Variants in ATAT1 observed in about 807,000 individuals in gnomAD.
ATAT1 encodes alpha tubulin acetyltransferase 1.
ATAT1 carries 42 observed loss-of-function variants against 57.2 expected under a neutral mutation model. The ratio of observed to expected loss-of-function variants is 0.73; its 90% confidence interval spans 0.57 to 0.95. The LOEUF (loss-of-function observed/expected upper bound fraction) is 0.95, where lower values mean the gene tolerates loss of function less well. Among genes scored for constraint, ATAT1 ranks in the 40% least tolerant of loss-of-function variants. ATAT1 has a pLI of 0.00. For missense variants in ATAT1, 454 were observed against 523.7 expected (o/e 0.87, Z 1.30); for synonymous variants, 168 against 187.1 (o/e 0.90, Z 0.83).
intron 6 of ATAT1, among the ~76,000 whole-genome samples, chr6:30,638,873 T>C (rs1194883955): frequency 1.6e-4 from 24 of 152,228 alleles, no homozygotes; most frequent in Admixed American, 1.6e-3. Context: ...GAAAATATAA[T>C]GAAGTAACTC....
chr6:30,643,248 G>A (rs1293849369), intron 10 of ATAT1: 11 of 1,420,892 alleles, frequency 7.7e-6, no homozygotes, highest in African/African-American at 1.4e-5. Flanking sequence ...TGAGAGTTAT[G>A]TGGAATGGTA....
At chr6:30,629,824 G>A (rs545560098) in intron 6 of ATAT1, among the ~76,000 whole-genome samples, 8 of 152,258 alleles carry the variant, frequency 5.3e-5, no homozygotes, top group Non-Finnish European at 8.8e-5. Context: ...GATTACAGGC[G>A]TGAGCCACCG....
chr6:30,629,802 C>T (rs1177537165), intron 6 of ATAT1, among the ~76,000 whole-genome samples: 1 of 152,220 alleles, frequency 6.6e-6, no homozygotes, highest in Non-Finnish European at 1.5e-5. Context: ...CCTCGGCCTC[C>T]CAAAGTGCTG....
chr6:30,645,301 C>T lies in ATAT1; in HGVS notation c.933-594C>T, dbSNP rs562875836. Reference sequence around the variant, plus strand: ...CACAATCTCAGCTCACTGCAACCTCCGCCTCCTGGGTTCAAGCGATTCTCC... The same window carrying T: ...CACAATCTCAGCTCACTGCAACCTCTGCCTCCTGGGTTCAAGCGATTCTCC... On this transcript the variant is annotated intron_variant, in intron 10 of 12. Transcript: ENST00000330083. Among the ~76,000 whole-genome samples, 23 of 151,950 alleles carry T rather than the reference C, an allele frequency of 1.5e-4. No individual in the cohort carries two copies. In the East Asian group the frequency reaches 2.9e-3, roughly 19 times the overall value.
chr6:30,643,578 T>C, intron 10 of ATAT1: 1 of 1,550,228 alleles, frequency 6.5e-7, no homozygotes, highest in Non-Finnish European at 8.7e-7. Flanking sequence ...ACCCTCTCCC[T>C]GCCCTGGGAG....
intron 6 of ATAT1, among the ~76,000 whole-genome samples, chr6:30,634,363 G>A (rs1353393902): frequency 2.0e-5 from 3 of 151,764 alleles, no homozygotes; most frequent in Admixed American, 1.3e-4. Flanking sequence ...TGATTCTCCT[G>A]CCTCAGCCTC....
chr6:30,627,905 T>G lies in ATAT1; in HGVS notation c.279T>G (p.Phe93Leu). 3 of 1,613,036 alleles carry G rather than the reference T, an allele frequency of 1.9e-6. No individual in the cohort carries two copies. The highest frequency in any genetic ancestry group is 1.7e-6 in the Non-Finnish European group (2 of 1,180,002). The change falls in exon 4 of 13, where the codon TTT becomes TTG. Residue 93 changes from phenylalanine (F) to leucine (L), a missense_variant. Around this residue, in one of 3 missense-constraint regions of ATAT1, gnomAD observed 236 missense variants for 284.5 expected, o/e 0.83. Coordinates refer to ENST00000330083, the MANE Select transcript of ATAT1 (RefSeq NM_001031722.4). Reference sequence around the variant, plus strand: ...TCAAAGTTGGATACAAGAAGCTCTTTGTACTGGTGAGTGTTATTGGATGCT... The same window carrying G: ...TCAAAGTTGGATACAAGAAGCTCTTGGTACTGGTGAGTGTTATTGGATGCT...
chr6:30,640,242 A>G, intron 6 of ATAT1, 135 bp from the exon 7 acceptor site: 1 of 889,162 alleles, frequency 1.1e-6, no homozygotes, highest in Non-Finnish European at 1.8e-6. Flanking sequence ...GGTGTGTTGT[A>G]GGCTATAGTG....
chr6:30,644,051 G>A, intron 10 of ATAT1: 2 of 989,770 alleles, frequency 2.0e-6, no homozygotes, highest in South Asian at 9.3e-5. Flanking sequence ...CCTGCGAATG[G>A]CCGCTAGTGA....
intron 10 of ATAT1, among the ~76,000 whole-genome samples, chr6:30,645,542 A>C (rs1268482866): frequency 6.6e-6 from 1 of 152,112 alleles, no homozygotes; most frequent in Non-Finnish European, 1.5e-5. Context: ...AGTTAAGGTA[A>C]CCCTGTTTTC....
intron 6 of ATAT1, among the ~76,000 whole-genome samples, chr6:30,631,462 G>A (rs1322585370): frequency 6.6e-6 from 1 of 151,792 alleles, no homozygotes; most frequent in Non-Finnish European, 1.5e-5. Flanking sequence ...GTGACAGAGC[G>A]AGACTCCATC....
At chr6:30,643,446 A>C in intron 10 of ATAT1, 1 of 1,536,208 alleles carries the variant, frequency 6.5e-7, no homozygotes, top group Non-Finnish European at 8.8e-7. Context: ...CTTTCTCTTC[A>C]CCTCTGACTT....
Position 30,627,208 on chromosome 6 carries a change from G to C in ATAT1, c.5G>C (p.Trp2Ser). 1 of 1,613,990 alleles carries C rather than the reference G, an allele frequency of 6.2e-7. No individual in the cohort carries two copies. The highest frequency in any genetic ancestry group is 8.5e-7 in the Non-Finnish European group (1 of 1,179,884). Residue 2 changes from tryptophan to serine, a missense_variant, in exon 1 of 13, where the codon TGG becomes TCG. By Grantham distance (177) the Trp-to-Ser change is radical. Around this residue, in one of 3 missense-constraint regions of ATAT1, gnomAD observed 236 missense variants for 284.5 expected, o/e 0.83. Transcript: ENST00000330083. The stretch of plus-strand genomic sequence containing the variant: ...CCAAAATGTCCCAATCAAAGGATGT[G>C]GTTGACCTGGCCTTTCTGCTTCCTC...
At chr6:30,630,700 G>A (rs1167595307) in intron 6 of ATAT1, among the ~76,000 whole-genome samples, 2 of 152,184 alleles carry the variant, frequency 1.3e-5, no homozygotes, top group African/African-American at 4.8e-5. Context: ...CACTTTGGGA[G>A]GCCAAGGCAG....
At chr6:30,641,598 G>C (rs1029874958) in intron 8 of ATAT1, among the ~76,000 whole-genome samples, 5 of 151,990 alleles carry the variant, frequency 3.3e-5, no homozygotes, top group African/African-American at 9.7e-5. Context: ...CATTACATCA[G>C]CCTCCTGCTT....
At chr6:30,633,222 G>T (rs1176132184) in intron 6 of ATAT1, among the ~76,000 whole-genome samples, 9 of 152,172 alleles carry the variant, frequency 5.9e-5, no homozygotes, top group African/African-American at 2.2e-4. Flanking sequence ...GACCAGCTTT[G>T]GGGGAAATAC....
chr6:30,642,495 T>C (rs971636202), intron 9 of ATAT1, among the ~76,000 whole-genome samples: 2 of 151,304 alleles, frequency 1.3e-5, no homozygotes, highest in Non-Finnish European at 3.0e-5. Context: ...ATACAAAAAT[T>C]AGCTGGGCAC....
chr6:30,635,394 TTC>T (rs1763845828), intron 6 of ATAT1, among the ~76,000 whole-genome samples: 1 of 149,584 alleles, frequency 6.7e-6, no homozygotes, highest in Non-Finnish European at 1.5e-5. Flanking sequence ...AGGTCAGGAG[TTC>T]AAGACCAACA....
intron 6 of ATAT1, among the ~76,000 whole-genome samples, chr6:30,638,485 G>A (rs187893520): frequency 2.6e-5 from 4 of 151,690 alleles, no homozygotes; most frequent in Admixed American, 2.6e-4. Context: ...TAGAGACAGG[G>A]TCTCGAACTC....
Sources: gnomAD v4.1 joint callset for allele counts (sites outside exome capture counted in the v4.1 genomes callset) on GRCh38, gnomAD v4.1.1 for gene constraint, gnomAD v4.1.1 regional missense constraint, MANE v1.5 for transcripts, NCBI Gene and HGNC (gene_info 2026-07-23, HGNC 2026-07-21) for gene names.